Variants in ARB2A observed in about 807,000 individuals in gnomAD.
ARB2A encodes ARB2 cotranscriptional regulator A, also known as cotranscriptional regulator ARB2A.
At chr5:93,737,954 G>C in the ARB2A span, 1 of 441,826 alleles carries the variant, frequency 2.3e-6, no homozygotes, top group South Asian at 1.7e-5. Context: ...AGCAACAAAA[G>C]AAAAAATGGA....
the ARB2A span, among the ~76,000 whole-genome samples, chr5:93,854,361 G>A: frequency 1.5e-4 from 22 of 151,670 alleles, no homozygotes; most frequent in Admixed American, 2.0e-4. Flanking sequence ...TTCTTTATTA[G>A]TCTTGCTAGC....
At chr5:93,729,756 G>C in the ARB2A span, among the ~76,000 whole-genome samples, 1 of 152,048 alleles carries the variant, frequency 6.6e-6, no homozygotes, top group Non-Finnish European at 1.5e-5. Context: ...CTGTAATTAG[G>C]ATAGGTAGTT....
chr5:93,977,530 T>G, the ARB2A span, among the ~76,000 whole-genome samples: 2 of 152,128 alleles, frequency 1.3e-5, no homozygotes, highest in African/African-American at 4.8e-5. Context: ...GGATACCCTA[T>G]TCAATAAATG....
the ARB2A span, among the ~76,000 whole-genome samples, chr5:94,039,141 A>T: frequency 6.6e-6 from 1 of 152,220 alleles, no homozygotes; most frequent in Non-Finnish European, 1.5e-5. Flanking sequence ...TTACATAAGA[A>T]CTCACATTTT....
the ARB2A span, among the ~76,000 whole-genome samples, chr5:93,716,955 T>C: frequency 6.6e-6 from 1 of 152,170 alleles, no homozygotes. Context: ...ATGTGCATAG[T>C]ATAATCAGCC....
chr5:93,976,940 G>A, the ARB2A span, among the ~76,000 whole-genome samples: 1 of 151,508 alleles, frequency 6.6e-6, no homozygotes, highest in Non-Finnish European at 1.5e-5. Context: ...ACAAAAATTA[G>A]CATTTCTATA....
the ARB2A span, among the ~76,000 whole-genome samples, chr5:94,015,417 G>GA: frequency 7.6e-5 from 11 of 145,052 alleles, no homozygotes; most frequent in East Asian, 6.2e-4. Flanking sequence ...CAATTTGAAA[G>GA]AAAAAAAAAA....
the ARB2A span, among the ~76,000 whole-genome samples, chr5:93,731,909 T>C: frequency 6.6e-6 from 1 of 152,216 alleles, no homozygotes; most frequent in Non-Finnish European, 1.5e-5. Context: ...TCTTTGGCAA[T>C]AGAAGAGCTG....
chr5:94,064,832 C>T, the ARB2A span, among the ~76,000 whole-genome samples: 2 of 152,134 alleles, frequency 1.3e-5, no homozygotes, highest in African/African-American at 4.8e-5. Flanking sequence ...AAGAGAACTG[C>T]TTAAGGGAAT....
chr5:93,950,434 G>C, the ARB2A span, among the ~76,000 whole-genome samples: 1 of 152,094 alleles, frequency 6.6e-6, no homozygotes, highest in African/African-American at 2.4e-5. Flanking sequence ...CTTGAGGTCA[G>C]GAGTTTGAGA....
chr5:94,025,846 A>T, the ARB2A span, among the ~76,000 whole-genome samples: 1 of 152,174 alleles, frequency 6.6e-6, no homozygotes, highest in Non-Finnish European at 1.5e-5. Flanking sequence ...GCTTGGGCCC[A>T]GGTACACCAC....
the ARB2A span, among the ~76,000 whole-genome samples, chr5:93,920,028 G>A: frequency 6.6e-6 from 1 of 151,980 alleles, no homozygotes. Flanking sequence ...AGGAATTATA[G>A]TATACGATCT....
chr5:94,038,342 C>A, the ARB2A span, among the ~76,000 whole-genome samples: 1 of 151,980 alleles, frequency 6.6e-6, no homozygotes, highest in East Asian at 1.9e-4. Flanking sequence ...TATATATACA[C>A]TAAAGTACTA....
the ARB2A span, among the ~76,000 whole-genome samples, chr5:94,105,428 A>G: frequency 6.6e-6 from 1 of 152,132 alleles, no homozygotes; most frequent in African/African-American, 2.4e-5. Flanking sequence ...ACAGCTCAAC[A>G]GGGAGGTGAA....
At chr5:93,894,624 T>C in the ARB2A span, among the ~76,000 whole-genome samples, 1 of 152,174 alleles carries the variant, frequency 6.6e-6, no homozygotes, top group South Asian at 2.1e-4. Flanking sequence ...TATGCATTCA[T>C]TTATCTTTTC....
the ARB2A span, among the ~76,000 whole-genome samples, chr5:93,691,482 A>C: frequency 1.3e-5 from 2 of 152,082 alleles, no homozygotes; most frequent in African/African-American, 4.8e-5. Flanking sequence ...TAGAGAAAAA[A>C]GAATGAAAAG....
the ARB2A span, among the ~76,000 whole-genome samples, chr5:94,078,288 G>A: frequency 6.6e-6 from 1 of 152,224 alleles, no homozygotes; most frequent in Admixed American, 6.5e-5. Context: ...TAGCCCTAAA[G>A]ATTCTATGCT....
the ARB2A span, among the ~76,000 whole-genome samples, chr5:93,884,938 T>C: frequency 6.6e-6 from 1 of 151,572 alleles, no homozygotes; most frequent in Non-Finnish European, 1.5e-5. Flanking sequence ...TTCTTTTCTC[T>C]GTCATATGTA....
the ARB2A span, among the ~76,000 whole-genome samples, chr5:94,054,922 T>C: frequency 1.3e-5 from 2 of 152,226 alleles, no homozygotes; most frequent in Admixed American, 1.3e-4. Context: ...AGCTCCTTTT[T>C]AGATGTCTCC....
Sources: allele counts gnomAD v4.1 joint callset (sites outside exome capture counted in the v4.1 genomes callset), GRCh38; gene constraint gnomAD v4.1.1; transcripts MANE v1.5; gene names NCBI Gene and HGNC (gene_info 2026-07-23, HGNC 2026-07-21).